Variants in STAG1 observed in about 807,000 individuals in gnomAD.
The protein encoded by STAG1 is STAG1 cohesin complex component.
Under a neutral mutation model 170.9 loss-of-function variants are expected in STAG1, and 26 were observed. The observed-to-expected ratio is 0.15, with a 90% CI of 0.11 to 0.21. STAG1 has a LOEUF of 0.21. Among genes scored for constraint, STAG1 ranks in the 10% least tolerant of loss-of-function variants. The pLI is 1.00. For synonymous variants in STAG1, 514 were observed against 497.7 expected, an observed-to-expected ratio of 1.03 and a Z score of -0.44; for missense variants, 964 against 1,509.5, an observed-to-expected ratio of 0.64 and a Z score of 5.99.
chr3:136,723,989 G>A (rs952281337), intron 1 of STAG1, among the ~76,000 whole-genome samples: 1 of 149,864 alleles, frequency 6.7e-6, no homozygotes, highest in Non-Finnish European at 1.5e-5. Flanking sequence ...GGGGGGGTCA[G>A]CCCCCCGCAC....
chr3:136,435,445 A>G (rs1161020896), intron 15 of STAG1, among the ~76,000 whole-genome samples: 1 of 152,188 alleles, frequency 6.6e-6, no homozygotes, highest in East Asian at 1.9e-4. Context: ...TCTTTTCAGC[A>G]TAAGCTTAGA....
intron 21 of STAG1, among the ~76,000 whole-genome samples, chr3:136,404,426 C>T (rs1475960330): frequency 6.6e-6 from 1 of 152,110 alleles, no homozygotes; most frequent in African/African-American, 2.4e-5. Context: ...TTATCTTCTC[C>T]TGTCTGCCAG....
intron 1 of STAG1, among the ~76,000 whole-genome samples, chr3:136,689,312 G>A (rs1347292268): frequency 6.6e-6 from 1 of 152,196 alleles, no homozygotes; most frequent in Non-Finnish European, 1.5e-5. Flanking sequence ...CAATCTCCAG[G>A]AAGAATGTGT....
At chr3:136,438,793 TAATGAATTAATA>T (rs2088538283) in intron 15 of STAG1, among the ~76,000 whole-genome samples, 1 of 152,284 alleles carries the variant, frequency 6.6e-6, no homozygotes, top group South Asian at 2.1e-4. Flanking sequence ...TTTAAATTAT[TAATGAATTAATA>T]ATTCCTGCTT....
At chr3:136,461,331 A>T (rs2089267810) in intron 13 of STAG1, among the ~76,000 whole-genome samples, 1 of 152,354 alleles carries the variant, frequency 6.6e-6, no homozygotes, top group South Asian at 2.1e-4. Context: ...TAGTCAGAGC[A>T]GTTAGGCAAG....
chr3:136,485,827 C>G (rs1024037911), intron 9 of STAG1, among the ~76,000 whole-genome samples: 4 of 152,160 alleles, frequency 2.6e-5, no homozygotes, highest in Admixed American at 6.5e-5. Context: ...TTTATGCATA[C>G]TGGTTTATAA....
At chr3:136,670,070 G>A (rs1941931434) in intron 1 of STAG1, among the ~76,000 whole-genome samples, 2 of 152,222 alleles carry the variant, frequency 1.3e-5, no homozygotes, top group Non-Finnish European at 2.9e-5. Context: ...CACTTTGGGA[G>A]GCCAAGCCAG....
At chr3:136,472,527 G>T in intron 11 of STAG1, 35 bp from the exon 12 acceptor site, 1 of 1,466,758 alleles carries the variant, frequency 6.8e-7, no homozygotes. Context: ...AACCAACTAT[G>T]AACAGAAAAT....
At chr3:136,579,958 A>ATTTTTTTTTTTGTTTTTTTTTTTTTTT (rs1937555241) in intron 4 of STAG1, among the ~76,000 whole-genome samples, 1 of 73,628 alleles carries the variant, frequency 1.4e-5, no homozygotes, top group Non-Finnish European at 2.4e-5. Flanking sequence ...TACCATCTGA[A>ATTTTTTTTTTTGTTTTTTTTTTTTTTT]TTTTTTTTTT....
rs544172681 is a variant in STAG1, at chr3:136,594,021, T to C, written c.297+10288A>G. Among the ~76,000 whole-genome samples the C allele has an allele frequency of 9.8e-5, 15 of 152,334 alleles. No homozygotes were observed. In the South Asian group the frequency reaches 2.9e-3, roughly 29 times the overall value. On this transcript the variant is annotated intron_variant, in intron 4 of 33. Coordinates refer to ENST00000383202, the MANE Select transcript of STAG1 (RefSeq NM_005862.3). ...CTTATACATTCTTTGGCCATTTTAA[T>C]ACTTCTTGAAACTTTCAAGCTTCTC... is the stretch of plus-strand genomic sequence containing the variant.
chr3:136,716,679 C>G (rs550652974), intron 1 of STAG1, among the ~76,000 whole-genome samples: 25 of 152,154 alleles, frequency 1.6e-4, no homozygotes, highest in Non-Finnish European at 3.1e-4. Flanking sequence ...ACTCTATATT[C>G]TAATTAGCTA....
intron 4 of STAG1, among the ~76,000 whole-genome samples, chr3:136,579,858 C>A (rs1006239190): frequency 1.3e-5 from 2 of 151,226 alleles, no homozygotes; most frequent in Admixed American, 6.6e-5. Context: ...TATGTAAATG[C>A]CAGAGGAGAA....
chr3:136,717,381 A>T (rs1048269586), intron 1 of STAG1, among the ~76,000 whole-genome samples: 2 of 152,176 alleles, frequency 1.3e-5, no homozygotes, highest in African/African-American at 4.8e-5. Context: ...AATAATATGG[A>T]GGTCGGGTGT....
At chr3:136,624,772 A>G (rs1307479181) in intron 2 of STAG1, among the ~76,000 whole-genome samples, 1 of 152,230 alleles carries the variant, frequency 6.6e-6, no homozygotes, top group Non-Finnish European at 1.5e-5. Context: ...TATTCCTACC[A>G]TAGCCAATTT....
At chr3:136,566,688 A>T (rs1937086515) in intron 5 of STAG1, among the ~76,000 whole-genome samples, 1 of 152,238 alleles carries the variant, frequency 6.6e-6, no homozygotes, top group Non-Finnish European at 1.5e-5. Flanking sequence ...AGTATAGAAG[A>T]GTACAATTCC....
At chr3:136,656,362 C>G (rs1231698081) in intron 1 of STAG1, among the ~76,000 whole-genome samples, 1 of 151,994 alleles carries the variant, frequency 6.6e-6, no homozygotes, top group Non-Finnish European at 1.5e-5. Flanking sequence ...GCGGTGATGG[C>G]TGCAAAACAA....
chr3:136,350,729 C>G (rs540952302), intron 28 of STAG1, among the ~76,000 whole-genome samples: 2 of 152,234 alleles, frequency 1.3e-5, no homozygotes, highest in East Asian at 1.9e-4. Flanking sequence ...GAAACTGCAG[C>G]TGGAGAGAGG....
chr3:136,623,465 G>C (rs922344055), intron 2 of STAG1, among the ~76,000 whole-genome samples: 1 of 152,032 alleles, frequency 6.6e-6, no homozygotes, highest in South Asian at 2.1e-4. Context: ...GAAATGAAGA[G>C]GAAGAAATGA....
chr3:136,356,072 T>G (rs935815023), intron 28 of STAG1, among the ~76,000 whole-genome samples: 2 of 151,912 alleles, frequency 1.3e-5, no homozygotes, highest in Non-Finnish European at 1.5e-5. Context: ...TTTTTTTTTT[T>G]TTAGAGACAG....
Sources: gnomAD v4.1 joint callset for allele counts (sites outside exome capture counted in the v4.1 genomes callset) on GRCh38, gnomAD v4.1.1 for gene constraint, MANE v1.5 for transcripts, NCBI Gene and HGNC (gene_info 2026-07-23, HGNC 2026-07-21) for gene names.